The following HDAC9 variants were observed in gnomAD, a reference collection of about 807,000 sequenced individuals.
HDAC9 encodes the protein histone deacetylase 9, also known as MEF-2 interacting transcription repressor (MITR) protein.
Under a neutral mutation model 139.4 loss-of-function variants are expected in HDAC9, and 41 were observed. That is an observed-to-expected ratio of 0.29 (90% CI 0.23 to 0.38). The LOEUF (loss-of-function observed/expected upper bound fraction) is 0.38. HDAC9 is among the 10% of genes least tolerant of loss of function. HDAC9 has a pLI of 1.00. For missense variants in HDAC9, 1,147 were observed against 1,297.0 expected (o/e 0.88, Z 1.78); for synonymous variants, 517 against 476.2 (o/e 1.09, Z -1.12).
At chr7:18,626,323 G>T (rs182555783) in intron 6 of HDAC9, among the ~76,000 whole-genome samples, 1 of 152,100 alleles carries the variant, frequency 6.6e-6, no homozygotes, top group Non-Finnish European at 1.5e-5. Flanking sequence ...TTGGCCACCA[G>T]CCTGTCCTGC....
chr7:18,309,112 C>G (rs1049707984), intron 1 of HDAC9, among the ~76,000 whole-genome samples: 18 of 152,194 alleles, frequency 1.2e-4, no homozygotes, highest in African/African-American at 3.6e-4. Flanking sequence ...AGACTTTGAC[C>G]AGAAGTATTG....
intron 16 of HDAC9, among the ~76,000 whole-genome samples, chr7:18,767,715 A>C (rs1302579350): frequency 6.6e-6 from 1 of 152,218 alleles, no homozygotes; most frequent in Non-Finnish European, 1.5e-5. Flanking sequence ...GTTAGAACCC[A>C]GCAACACATG....
Position 18,874,588 on chromosome 7 carries a change from C to T in HDAC9, c.2795C>T (p.Thr932Met), listed in dbSNP as rs1439669052. 4.5e-6 allele frequency: 7 copies of T among 1,571,470 alleles called. No individual in the cohort carries two copies. The highest frequency in any genetic ancestry group is 1.8e-5 in the Admixed American group (1 of 55,984). ...CCTCCTCTAGGAGGGTACAAAGTGA[C>T]GGCAAAATGTAAGTACCTCTTTCAG... is the stretch of plus-strand genomic sequence containing the variant. ...HTPPLGGYKV[T>M]AKCFGHLTKQ... Residue 932 changes from threonine (T) to methionine (M), a missense_variant, in exon 22 of 26, where the codon ACG becomes ATG. Thr to Met is a moderately conservative substitution (Grantham distance 81, BLOSUM62 -1). Coordinates refer to ENST00000686413, the MANE Select transcript of HDAC9 (RefSeq NM_178425.4).
chr7:18,308,495 A>G (rs187265428), intron 1 of HDAC9, among the ~76,000 whole-genome samples: 17 of 152,288 alleles, frequency 1.1e-4, no homozygotes, highest in African/African-American at 3.8e-4. Context: ...TTTAATCTGC[A>G]TTTAGTACGT....
At chr7:18,765,512 G>A (rs187151868) in intron 15 of HDAC9, among the ~76,000 whole-genome samples, 83 of 152,050 alleles carry the variant, frequency 5.5e-4, no homozygotes, top group African/African-American at 2.0e-3. Flanking sequence ...CCCAACTGAC[G>A]GGAGGCTGAG....
chr7:18,252,415 T>A (rs1392652514), intron 2 of HDAC9, among the ~76,000 whole-genome samples: 1 of 152,174 alleles, frequency 6.6e-6, no homozygotes. Flanking sequence ...TTTTTATAAC[T>A]GCAAAAGTAT....
chr7:18,144,552 G>GTACC (rs1464691448), intron 1 of HDAC9, among the ~76,000 whole-genome samples: 1 of 152,072 alleles, frequency 6.6e-6, no homozygotes, highest in East Asian at 1.9e-4. Context: ...CAGTCTTCCT[G>GTACC]TACCTAGTCA....
intron 2 of HDAC9, among the ~76,000 whole-genome samples, chr7:18,247,482 G>C (rs1423175772): frequency 1.3e-5 from 2 of 152,068 alleles, no homozygotes; most frequent in Non-Finnish European, 2.9e-5. Flanking sequence ...GTTGGCTTTA[G>C]CAGATTGTGG....
chr7:18,809,658 A>G (rs1276687892), intron 17 of HDAC9, among the ~76,000 whole-genome samples: 1 of 152,004 alleles, frequency 6.6e-6, no homozygotes, highest in African/African-American at 2.4e-5. Context: ...GGAAATGTAA[A>G]TGAAAATGAA....
chr7:18,152,540 C>G (rs1393328796), intron 1 of HDAC9, among the ~76,000 whole-genome samples: 1 of 152,120 alleles, frequency 6.6e-6, no homozygotes, highest in Non-Finnish European at 1.5e-5. Flanking sequence ...GGCCCTTGTC[C>G]TAAAGATTCT....
chr7:18,257,011 C>T (rs944299466), intron 2 of HDAC9, among the ~76,000 whole-genome samples: 6 of 151,880 alleles, frequency 4.0e-5, no homozygotes, highest in Non-Finnish European at 5.9e-5. Flanking sequence ...ATTGCTTGAG[C>T]CTGGGAGGTT....
At chr7:18,768,275 G>C (rs1482772854) in intron 16 of HDAC9, among the ~76,000 whole-genome samples, 1 of 152,124 alleles carries the variant, frequency 6.6e-6, no homozygotes, top group African/African-American at 2.4e-5. Flanking sequence ...AAAGTATGGG[G>C]GTGATGTACA....
intron 1 of HDAC9, among the ~76,000 whole-genome samples, chr7:18,302,967 CATATATA>C (rs142043141): frequency 0.022 from 3,360 of 151,994 alleles, 124 homozygotes; most frequent in African/African-American, 0.077. Context: ...TTATTTTGTA[CATATATA>C]ATATATAATA....
chr7:18,355,223 C>T (rs1783160930), intron 1 of HDAC9, among the ~76,000 whole-genome samples: 1 of 152,076 alleles, frequency 6.6e-6, no homozygotes, highest in South Asian at 2.1e-4. Flanking sequence ...CATGAGGAAA[C>T]CAATGTACAG....
At chr7:18,682,598 C>T (rs1225323034) in intron 12 of HDAC9, among the ~76,000 whole-genome samples, 3 of 151,990 alleles carry the variant, frequency 2.0e-5, no homozygotes, top group Admixed American at 6.6e-5. Context: ...GGCAGAAATG[C>T]AGTCCTTTTT....
chr7:18,159,737 A>G (rs1373809716), intron 1 of HDAC9, among the ~76,000 whole-genome samples: 1 of 152,176 alleles, frequency 6.6e-6, no homozygotes, highest in Non-Finnish European at 1.5e-5. Flanking sequence ...TTGGAAATGG[A>G]AATGCAATAA....
At chr7:18,465,303 A>G (rs1794178283) in intron 1 of HDAC9, among the ~76,000 whole-genome samples, 1 of 151,672 alleles carries the variant, frequency 6.6e-6, no homozygotes, top group African/African-American at 2.4e-5. Context: ...AGGTTCTTTT[A>G]TTTCTTGAAT....
intron 2 of HDAC9, among the ~76,000 whole-genome samples, chr7:18,187,776 C>G (rs899637137): frequency 1.3e-5 from 2 of 152,128 alleles, no homozygotes; most frequent in Non-Finnish European, 1.5e-5. Flanking sequence ...CATGGCTTGC[C>G]ATGGCCTACA....
chr7:18,906,003 T>G (rs971574681), intron 22 of HDAC9, among the ~76,000 whole-genome samples: 2 of 151,110 alleles, frequency 1.3e-5, no homozygotes, highest in Non-Finnish European at 3.0e-5. Flanking sequence ...CTCTCTCTCT[T>G]TATTTTTTCT....
Sources: allele counts gnomAD v4.1 joint callset (sites outside exome capture counted in the v4.1 genomes callset), GRCh38; gene constraint gnomAD v4.1.1; transcripts MANE v1.5; gene names NCBI Gene and HGNC (gene_info 2026-07-23, HGNC 2026-07-21).